GRAMD1C: variants seen among roughly 807,000 people sequenced by gnomAD.
The protein encoded by GRAMD1C is GRAM domain containing 1C.
GRAMD1C carries 89 observed loss-of-function variants against 97.8 expected under a neutral mutation model. That is an observed-to-expected ratio of 0.91 (90% CI 0.77 to 1.09). The LOEUF is 1.09. Ranked by LOEUF, GRAMD1C falls within the 50% of genes least tolerant of loss-of-function variation. The pLI is 0.00. For missense variants in GRAMD1C, 740 were observed against 766.4 expected (o/e 0.97, Z 0.41); for synonymous variants, 256 against 267.0 (o/e 0.96, Z 0.40).
chr3:113,908,809 T>C (rs561040058), intron 8 of GRAMD1C, 149 bp from the exon 9 acceptor site: 2 of 531,846 alleles, frequency 3.8e-6, no homozygotes, highest in African/African-American at 4.0e-5. Flanking sequence ...TTTAATAGCA[T>C]GGGAAATGTG....
At chr3:113,916,321 T>C (rs1404337621) in intron 10 of GRAMD1C, among the ~76,000 whole-genome samples, 2 of 152,228 alleles carry the variant, frequency 1.3e-5, no homozygotes, top group African/African-American at 4.8e-5. Context: ...GCAACATTAT[T>C]TATGATGGTC....
intron 1 of GRAMD1C, among the ~76,000 whole-genome samples, chr3:113,833,380 T>C (rs1577107119): frequency 1.3e-5 from 2 of 152,034 alleles, no homozygotes; most frequent in Admixed American, 6.6e-5. Context: ...TCAGGTGATC[T>C]GCCCCCTCAG....
intron 10 of GRAMD1C, among the ~76,000 whole-genome samples, chr3:113,923,030 T>C (rs1937113825): frequency 1.3e-5 from 2 of 152,076 alleles, no homozygotes; most frequent in South Asian, 4.1e-4. Flanking sequence ...TTTTTTTTTC[T>C]TTTGCTATAA....
At chr3:113,896,588 CA>C (rs1429859023) in intron 6 of GRAMD1C, among the ~76,000 whole-genome samples, 4 of 152,202 alleles carry the variant, frequency 2.6e-5, no homozygotes, top group Non-Finnish European at 5.9e-5. Context: ...TATTTAGTTA[CA>C]ATTTCAGTCA....
chr3:113,904,561 G>C (rs1186982137), intron 8 of GRAMD1C, among the ~76,000 whole-genome samples: 1 of 151,644 alleles, frequency 6.6e-6, no homozygotes, highest in Non-Finnish European at 1.5e-5. Flanking sequence ...AAATTTGTAA[G>C]TAGCAGAATT....
At position 113,904,257 on chromosome 3, in the gene GRAMD1C, A is replaced by C; in HGVS notation, c.774A>C (p.Gly258=). 6.2e-7 allele frequency: 1 copy of C among 1,603,950 alleles called. No individual in the cohort carries two copies. Among genetic ancestry groups the C allele is most frequent in the Non-Finnish European group, 8.5e-7 (1 of 1,170,794 alleles). ...TTTCAGAAACAGAGTCATTCGATGG[A>C]AATTCATCAAAAGGAGTTAGTATAT... ...SRVSETESFD[G]NSSKGGLGKE... Residue 258 remains glycine, a synonymous_variant, in exon 8 of 18, where the codon GGA becomes GGC. Transcript: ENST00000358160.
At chr3:113,918,747 G>A (rs58675825) in intron 10 of GRAMD1C, among the ~76,000 whole-genome samples, 17,513 of 152,212 alleles carry the variant, frequency 0.12, 1,485 homozygotes, top group East Asian at 0.29. Context: ...CCAGTCTGGA[G>A]TGCAGTGGTG....
chr3:113,869,466 A>T, intron 2 of GRAMD1C, 41 bp from the exon 3 acceptor site: 1 of 934,758 alleles, frequency 1.1e-6, no homozygotes, highest in Non-Finnish European at 1.7e-6. Flanking sequence ...AGGACACTAT[A>T]ATTACAATTA....
chr3:113,833,134 T>TTG (rs1553713314), intron 1 of GRAMD1C, among the ~76,000 whole-genome samples: 2 of 149,386 alleles, frequency 1.3e-5, no homozygotes, highest in Non-Finnish European at 3.0e-5. Context: ...TTTTTTTTTT[T>TTG]TGTGTGTGTG....
At chr3:113,922,155 T>G (rs192531219) in intron 10 of GRAMD1C, among the ~76,000 whole-genome samples, 1 of 152,166 alleles carries the variant, frequency 6.6e-6, no homozygotes, top group Admixed American at 6.6e-5. Context: ...TACTGCAGCC[T>G]CAACCTCCTG....
chr3:113,929,914 A>G (rs1186531477), intron 10 of GRAMD1C, among the ~76,000 whole-genome samples: 1 of 152,228 alleles, frequency 6.6e-6, no homozygotes, highest in Non-Finnish European at 1.5e-5. Flanking sequence ...GCAGTCAAAC[A>G]TACTAGTACT....
chr3:113,864,907 G>A (rs1491002184), intron 2 of GRAMD1C, among the ~76,000 whole-genome samples: 2 of 152,124 alleles, frequency 1.3e-5, no homozygotes, highest in Non-Finnish European at 2.9e-5. Context: ...TTCAGGTATT[G>A]TAATAGCAAC....
intron 5 of GRAMD1C, among the ~76,000 whole-genome samples, chr3:113,880,423 TA>T (rs1488421267): frequency 6.6e-6 from 1 of 152,010 alleles, no homozygotes; most frequent in East Asian, 1.9e-4. Context: ...TCCTTTTTTT[TA>T]AAAAAACAAC....
In GRAMD1C at chr3:113,838,955, TG is replaced by T; in HGVS notation, c.27+23del. 1 of 1,239,242 alleles carries T rather than the reference TG, an allele frequency of 8.1e-7. No individual in the cohort carries two copies. The allele number at this position is 1,239,242 out of a possible 1,614,324, so 76.8% of individuals were successfully genotyped here. ...CCGTCAGGTAAGCCGCGGGCCTCGC[TG>T]GGGCAGGTTCCCATCTGTGGCTTTA... On this transcript the variant is annotated intron_variant, in intron 1 of 17. Transcript: ENST00000358160.
intron 3 of GRAMD1C, among the ~76,000 whole-genome samples, chr3:113,871,109 T>A: frequency 6.6e-6 from 1 of 152,058 alleles, no homozygotes; most frequent in Non-Finnish European, 1.5e-5. Flanking sequence ...AGAGAAAATT[T>A]AAACTTGATG....
chr3:113,883,261 A>T (rs533369801), intron 6 of GRAMD1C, among the ~76,000 whole-genome samples: 89 of 152,326 alleles, frequency 5.8e-4, no homozygotes, highest in African/African-American at 2.0e-3. Context: ...ACAGTGGCTC[A>T]TACTTGTAAT....
intron 10 of GRAMD1C, among the ~76,000 whole-genome samples, chr3:113,922,884 A>C (rs1256169713): frequency 6.6e-6 from 1 of 152,186 alleles, no homozygotes; most frequent in Admixed American, 6.5e-5. Context: ...CATTTTAACA[A>C]TATTGATTCT....
At chr3:113,841,281 C>CTTCCTT (rs1709779973) in intron 1 of GRAMD1C, among the ~76,000 whole-genome samples, 1 of 17,544 alleles carries the variant, frequency 5.7e-5, no homozygotes, top group Non-Finnish European at 1.6e-4. Context: ...TTCTTTCTTT[C>CTTCCTT]TTTCTTTTTT....
In GRAMD1C at chr3:113,838,819, G is replaced by A; in HGVS notation, c.-91G>A. ...AGGGCCGGCGGAGGAGGCGCGCGGA[G>A]CCTGTAACTCGCAGCGCGCGCTGGA... On this transcript the variant is annotated 5_prime_UTR_variant, in exon 1 of 18. Transcript: ENST00000358160. 2.1e-6 allele frequency: 2 copies of A among 954,410 alleles called. No individual in the cohort carries two copies. Among genetic ancestry groups the A allele is most frequent in the Non-Finnish European group, 1.4e-6 (1 of 737,572 alleles). The allele number at this position is 954,410 out of a possible 1,614,324, so 59.1% of individuals were successfully genotyped here.
Sources: allele counts gnomAD v4.1 joint callset (sites outside exome capture counted in the v4.1 genomes callset), GRCh38; gene constraint gnomAD v4.1.1; transcripts MANE v1.5; gene names NCBI Gene and HGNC (gene_info 2026-07-23, HGNC 2026-07-21).